Variants in CIDEA observed in about 807,000 individuals in gnomAD.
The protein encoded by CIDEA is cell death inducing DFFA like effector a, also known as lipid transferase CIDEA.
In CIDEA, 10 loss-of-function variants were observed where a neutral mutation model predicts 18.2. The ratio of observed to expected loss-of-function variants is 0.55; its 90% CI spans 0.34 to 0.93. CIDEA has a LOEUF of 0.93. Among genes scored for constraint, CIDEA ranks in the 40% least tolerant of loss-of-function variants. The pLI, the probability that CIDEA is intolerant of heterozygous loss-of-function variation, is 0.02. For synonymous variants in CIDEA, 128 were observed against 124.8 expected, an observed-to-expected ratio of 1.03 and a Z score of -0.17; for missense variants, 309 against 293.1, an observed-to-expected ratio of 1.05 and a Z score of -0.40.
In CIDEA at chr18:12,254,410, A is replaced by G. The variant is rs1413201104; in HGVS notation, c.27A>G (p.Gly9=). The change falls in exon 1 of 5, where the codon GGA becomes GGG. Residue 9 remains glycine (G), a synonymous_variant. Coordinates refer to ENST00000320477, the MANE Select transcript of CIDEA (RefSeq NM_001279.4). ...TGGAGGCCGCCCGGGACTATGCAGG[A>G]GCCCTCATCAGGCGAGTGCCCCGCG... MEAARDYA[G]ALIRPLTFMG... is the part of the protein sequence containing the mutation. 1.9e-6 allele frequency: 3 copies of G among 1,585,696 alleles called. No homozygotes were observed. In the African/African-American group the frequency reaches 4.0e-5, roughly 21 times the overall value.
At chr18:12,257,016 C>T (rs977555137) in intron 1 of CIDEA, among the ~76,000 whole-genome samples, 11 of 152,302 alleles carry the variant, frequency 7.2e-5, no homozygotes, top group East Asian at 1.9e-4. Context: ...CAGGAAGTCT[C>T]GTCAAGGCAG....
Position 12,254,436 on chromosome 18 carries a change from T to C in CIDEA, c.38+15T>C. The C allele has an allele frequency of 6.3e-7, 1 of 1,595,742 alleles. No homozygotes were observed. The highest frequency in any genetic ancestry group is 8.5e-7 in the Non-Finnish European group (1 of 1,174,380). On this transcript the variant is annotated intron_variant, in intron 1 of 4. Transcript: ENST00000320477. ...GCCCTCATCAGGCGAGTGCCCCGCGTCCCCCTGATTGCCGTGCGCTTCCAA... is the reference window on the plus strand; with the variant it reads ...GCCCTCATCAGGCGAGTGCCCCGCGCCCCCCTGATTGCCGTGCGCTTCCAA...
intron 1 of CIDEA, among the ~76,000 whole-genome samples, chr18:12,258,598 G>A (rs909297745): frequency 5.9e-5 from 9 of 152,186 alleles, no homozygotes; most frequent in Non-Finnish European, 1.3e-4. Flanking sequence ...GCTCTTTCTC[G>A]CTGCTGAGGC....
Position 12,254,919 on chromosome 18 carries a change from C to T in CIDEA, c.38+498C>T, listed in dbSNP as rs150501016. ...CTCCTGGAAGCGCGGGCTCTGGTCT[C>T]CGAGGGGAGGCCCCAACCGTCCGGC... On this transcript the variant is annotated intron_variant, in intron 1 of 4. Coordinates refer to ENST00000320477, the MANE Select transcript of CIDEA (RefSeq NM_001279.4). 803 of 1,251,440 alleles carry T rather than the reference C, an allele frequency of 6.4e-4. 11 individuals are homozygous for T. The highest frequency in any genetic ancestry group is 3.4e-3 in the South Asian group (240 of 71,412). The allele number at this position is 1,251,440 out of a possible 1,614,324, so 77.5% of individuals were successfully genotyped here.
intron 3 of CIDEA, among the ~76,000 whole-genome samples, chr18:12,267,547 C>T (rs1331430370): frequency 6.6e-6 from 1 of 152,196 alleles, no homozygotes; most frequent in Non-Finnish European, 1.5e-5. Context: ...CCCCAAACAG[C>T]CTTTGGCATG....
At chr18:12,273,132 G>C (rs1168668884) in intron 3 of CIDEA, among the ~76,000 whole-genome samples, 1 of 152,202 alleles carries the variant, frequency 6.6e-6, no homozygotes, top group African/African-American at 2.4e-5. Context: ...GGGTTTGTCT[G>C]TATGGTGGGA....
At chr18:12,272,165 G>GGGGGGT (rs2144084417) in intron 3 of CIDEA, among the ~76,000 whole-genome samples, 1 of 11,662 alleles carries the variant, frequency 8.6e-5, no homozygotes, top group Non-Finnish European at 4.4e-4. Flanking sequence ...GGGGGGGTTG[G>GGGGGGT]GGGGGGGTTG....
chr18:12,268,445 G>A (rs952018930), intron 3 of CIDEA, among the ~76,000 whole-genome samples: 22 of 149,526 alleles, frequency 1.5e-4, no homozygotes, highest in African/African-American at 5.5e-4. Context: ...CGCCCACTCT[G>A]GAGTGCAGTG....
chr18:12,269,035 G>A (rs1912440944), intron 3 of CIDEA, among the ~76,000 whole-genome samples: 1 of 152,058 alleles, frequency 6.6e-6, no homozygotes, highest in African/African-American at 2.4e-5. Context: ...GGCCAGGCTG[G>A]TCTTAAACTT....
intron 2 of CIDEA, among the ~76,000 whole-genome samples, chr18:12,263,287 A>T (rs540114853): frequency 6.6e-6 from 1 of 152,240 alleles, no homozygotes; most frequent in East Asian, 1.9e-4. Context: ...TGTAAAATTG[A>T]TTGTGGTGAC....
intron 3 of CIDEA, among the ~76,000 whole-genome samples, chr18:12,265,669 C>T (rs1912328111): frequency 6.6e-6 from 1 of 152,204 alleles, no homozygotes; most frequent in Non-Finnish European, 1.5e-5. Context: ...TTACTCCAGC[C>T]CCGTTTCCAG....
At position 12,258,286 on chromosome 18, in the gene CIDEA, T is replaced by G. The variant is rs114197548; in HGVS notation, c.38+3865T>G. ...GGTAAAGACCGCAGGAACCTGGAAT[T>G]AATCATCTGGGCCAGGTCACCGGAG... is the stretch of plus-strand genomic sequence containing the variant. On this transcript the variant is annotated intron_variant, in intron 1 of 4. Coordinates refer to ENST00000320477, the MANE Select transcript of CIDEA (RefSeq NM_001279.4). 2.7e-3 allele frequency among the ~76,000 whole-genome samples: 404 copies of G among 152,340 alleles called. 2 individuals carry two copies. Among genetic ancestry groups the G allele is most frequent in the African/African-American group, 9.2e-3 (381 of 41,582 alleles).
intron 2 of CIDEA, 51 bp from the exon 3 acceptor site, chr18:12,264,256 A>C: frequency 3.4e-6 from 5 of 1,480,488 alleles, no homozygotes; most frequent in Non-Finnish European, 4.5e-6. Flanking sequence ...TTGGCTGGTC[A>C]CATGGAAATA....
In CIDEA at chr18:12,277,362, A is replaced by T; in HGVS notation, c.*92A>T. The T allele has an allele frequency of 7.1e-7, 1 of 1,404,166 alleles. No homozygotes were observed. Among genetic ancestry groups the T allele is most frequent in the Non-Finnish European group, 9.8e-7 (1 of 1,020,424 alleles). The allele number at this position is 1,404,166 out of a possible 1,614,324, so 87.0% of individuals were successfully genotyped here. On this transcript the variant is annotated 3_prime_UTR_variant, in exon 5 of 5. Transcript: ENST00000320477. ...AAGATGCTTTTATGTTCTGAGCCAC[A>T]TGCACTTGGAGGCCGCTGGTCACGC...
At chr18:12,265,137 G>A (rs926137000) in intron 3 of CIDEA, among the ~76,000 whole-genome samples, 2 of 152,232 alleles carry the variant, frequency 1.3e-5, no homozygotes, top group African/African-American at 2.4e-5. Flanking sequence ...GTGTGCATGT[G>A]TGAATATGGA....
At chr18:12,262,232 T>C (rs181487208) in intron 1 of CIDEA, among the ~76,000 whole-genome samples, 2 of 149,874 alleles carry the variant, frequency 1.3e-5, no homozygotes, top group East Asian at 3.9e-4. Context: ...TAATCCAAAG[T>C]GTCCTGTGAT....
Position 12,268,216 on chromosome 18 carries a change from C to T in CIDEA, c.330+3763C>T, listed in dbSNP as rs573884642. Reference sequence around the variant, plus strand: ...AGTAGCTGGGATTACAAGTGCCTGCCACCATGCCCGGCCATTTTTTTTTTT... The same window carrying T: ...AGTAGCTGGGATTACAAGTGCCTGCTACCATGCCCGGCCATTTTTTTTTTT... On this transcript the variant is annotated intron_variant, in intron 3 of 4. Transcript: ENST00000320477. Among the ~76,000 whole-genome samples, 4 of 146,240 alleles carry T rather than the reference C, an allele frequency of 2.7e-5. No homozygotes were observed. The East Asian group carries it at 8.2e-4, about 30-fold the overall frequency.
chr18:12,276,997 G>A (rs1400262808), intron 4 of CIDEA, 126 bp from the exon 5 acceptor site: 1 of 1,022,606 alleles, frequency 9.8e-7, no homozygotes, highest in Non-Finnish European at 1.5e-6. Flanking sequence ...AGACAGCCAT[G>A]CTCTAAATGT....
intron 4 of CIDEA, among the ~76,000 whole-genome samples, chr18:12,275,152 G>A (rs192714170): frequency 6.6e-6 from 1 of 152,202 alleles, no homozygotes; most frequent in Non-Finnish European, 1.5e-5. Flanking sequence ...GCGAAACTCT[G>A]TCTCTACTAA....
Sources: allele counts gnomAD v4.1 joint callset (sites outside exome capture counted in the v4.1 genomes callset), GRCh38; gene constraint gnomAD v4.1.1; transcripts MANE v1.5; gene names NCBI Gene and HGNC (gene_info 2026-07-23, HGNC 2026-07-21).